Variants in PDE4D observed in about 807,000 individuals in gnomAD.
The protein encoded by PDE4D is phosphodiesterase 4D, also known as 3',5'-cyclic-AMP phosphodiesterase 4D.
Under a neutral mutation model 87.4 loss-of-function variants are expected in PDE4D, and 24 were observed. The observed-to-expected ratio is 0.27, with a 90% CI of 0.20 to 0.39. The LOEUF is 0.39. PDE4D is among the 10% of genes least tolerant of loss of function. The pLI, the probability that PDE4D is intolerant of heterozygous loss-of-function variation, is 1.00. For synonymous variants in PDE4D, 384 were observed against 383.2 expected (o/e 1.00, Z -0.02); for missense variants, 714 against 1,041.0 (o/e 0.69, Z 4.32).
At chr5:59,622,940 C>G (rs994312228) in intron 1 of PDE4D, among the ~76,000 whole-genome samples, 2 of 152,134 alleles carry the variant, frequency 1.3e-5, no homozygotes, top group Non-Finnish European at 2.9e-5. Context: ...TCGTTGTGAT[C>G]ACCACCCAGT....
rs368214145 is a variant in PDE4D, at chr5:58,974,684, C to T, written c.2410G>A (p.Asp804Asn). 4 of 1,575,668 alleles carry T rather than the reference C, an allele frequency of 2.5e-6. No individual in the cohort carries two copies. In the African/African-American group the frequency reaches 5.5e-5, roughly 22 times the overall value. Residue 804 changes from aspartate to asparagine, a missense_variant, in exon 15 of 15, where the codon GAT (aspartate) becomes AAT (asparagine). Transcript: ENST00000340635. Reference protein sequence around the residue: ...ESQPEACVIDDRSPDT With the variant: ...ESQPEACVIDNRSPDT ...CACTGTTACGTGTCAGGAGAACGAT[C>T]ATCTATGACACAGGCTTCAGGCTGG... is the stretch of plus-strand genomic sequence containing the variant.
At chr5:59,292,997 T>C (rs965187593) in intron 1 of PDE4D, among the ~76,000 whole-genome samples, 2 of 152,188 alleles carry the variant, frequency 1.3e-5, no homozygotes, top group African/African-American at 4.8e-5. Context: ...CATTTATTGT[T>C]ACAAGGGTTT....
intron 11 of PDE4D, among the ~76,000 whole-genome samples, chr5:58,986,948 T>G (rs1257323696): frequency 9.8e-6 from 1 of 101,694 alleles, no homozygotes; most frequent in Non-Finnish European, 2.1e-5. Flanking sequence ...TTTGAATGTT[T>G]GGTGTTTAAG....
chr5:59,753,077 C>CA (rs762032267), intron 1 of PDE4D, among the ~76,000 whole-genome samples: 16 of 152,264 alleles, frequency 1.1e-4, no homozygotes, highest in Non-Finnish European at 1.9e-4. Flanking sequence ...ATAGGGTCCG[C>CA]AAAGCCTAAA....
intron 2 of PDE4D, among the ~76,000 whole-genome samples, chr5:60,074,373 C>A (rs957912876): frequency 1.3e-5 from 2 of 152,034 alleles, no homozygotes; most frequent in African/African-American, 4.8e-5. Flanking sequence ...AATTTTATTG[C>A]ACTGTGGTTC....
intron 1 of PDE4D, among the ~76,000 whole-genome samples, chr5:59,240,779 AACAC>A (rs747637745): frequency 3.7e-4 from 29 of 78,122 alleles, no homozygotes; most frequent in African/African-American, 1.2e-3. Context: ...AAAATTCACA[AACAC>A]ACACACACAC....
intron 1 of PDE4D, among the ~76,000 whole-genome samples, chr5:60,337,250 T>G (rs1410515481): frequency 6.7e-6 from 1 of 149,894 alleles, no homozygotes; most frequent in Non-Finnish European, 1.5e-5. Context: ...GGAGAATCAC[T>G]TGAACCCGGG....
At chr5:59,615,513 A>T (rs1829552197) in intron 1 of PDE4D, among the ~76,000 whole-genome samples, 1 of 152,200 alleles carries the variant, frequency 6.6e-6, no homozygotes, top group Non-Finnish European at 1.5e-5. Context: ...TAAAGAGTCA[A>T]ATATGTTTTG....
At chr5:59,390,625 T>C (rs1366725196) in intron 1 of PDE4D, among the ~76,000 whole-genome samples, 1 of 152,152 alleles carries the variant, frequency 6.6e-6, no homozygotes, top group Non-Finnish European at 1.5e-5. Flanking sequence ...ATGATTGTTA[T>C]AGACATGTAA....
intron 2 of PDE4D, among the ~76,000 whole-genome samples, chr5:60,104,791 C>G (rs1397793408): frequency 1.3e-5 from 2 of 152,202 alleles, no homozygotes; most frequent in East Asian, 3.8e-4. Flanking sequence ...AACAGACCTG[C>G]AGCTGAGGGT....
At chr5:59,816,436 A>G (rs1202009893) in intron 1 of PDE4D, among the ~76,000 whole-genome samples, 1 of 152,038 alleles carries the variant, frequency 6.6e-6, no homozygotes, top group Non-Finnish European at 1.5e-5. Flanking sequence ...TGCTCTTGGG[A>G]AAAAAAATGA....
intron 1 of PDE4D, among the ~76,000 whole-genome samples, chr5:59,575,522 G>A (rs1312496938): frequency 1.3e-5 from 2 of 152,172 alleles, no homozygotes; most frequent in Middle Eastern, 3.4e-3. Flanking sequence ...CACCCAGTTC[G>A]GCAGGATGGT....
intron 1 of PDE4D, among the ~76,000 whole-genome samples, chr5:60,484,465 AT>A (rs1045594268): frequency 1.3e-5 from 2 of 152,206 alleles, no homozygotes; most frequent in Non-Finnish European, 2.9e-5. Flanking sequence ...CATTTTAAAA[AT>A]TGAAAATTTG....
At chr5:59,973,602 A>G (rs1761009320) in intron 3 of PDE4D, among the ~76,000 whole-genome samples, 3 of 152,172 alleles carry the variant, frequency 2.0e-5, no homozygotes, top group African/African-American at 7.2e-5. Context: ...AACAGAACAT[A>G]CCAGAATTTA....
At chr5:60,519,915 AAG>A (rs1561329685) in intron 1 of PDE4D, among the ~76,000 whole-genome samples, 1 of 152,348 alleles carries the variant, frequency 6.6e-6, no homozygotes, top group East Asian at 1.9e-4. Context: ...CTGCCAGTGA[AAG>A]AGTGAAATAC....
Position 59,509,921 on chromosome 5 carries a change from A to G in PDE4D, c.456-293953T>C, listed in dbSNP as rs185669773. On this transcript the variant is annotated intron_variant, in intron 1 of 14. Transcript: ENST00000340635. Reference sequence around the variant, plus strand: ...TATAAATTATATAAACTTATATATAATTATACTTTTGAATATAATTATATT... The same window carrying G: ...TATAAATTATATAAACTTATATATAGTTATACTTTTGAATATAATTATATT... Among the ~76,000 whole-genome samples the G allele has an allele frequency of 3.5e-3, 513 of 147,420 alleles. 1 individual carries two copies. The highest frequency in any genetic ancestry group is 0.012 in the African/African-American group (492 of 40,904).
chr5:59,939,862 G>T (rs895028012), intron 3 of PDE4D, among the ~76,000 whole-genome samples: 1 of 151,896 alleles, frequency 6.6e-6, no homozygotes, highest in Admixed American at 6.6e-5. Context: ...GTAGAAAGAG[G>T]GTATCATCAC....
At chr5:59,524,281 T>C (rs1235208949) in intron 1 of PDE4D, among the ~76,000 whole-genome samples, 1 of 152,228 alleles carries the variant, frequency 6.6e-6, no homozygotes, top group East Asian at 1.9e-4. Context: ...ACTTGTTGAA[T>C]GGCTTTGACC....
intron 1 of PDE4D, among the ~76,000 whole-genome samples, chr5:59,647,461 T>TG (rs1742660872): frequency 1.5e-5 from 1 of 66,678 alleles, no homozygotes; most frequent in South Asian, 1.1e-3. Context: ...TTTTCAAAGT[T>TG]TTTTTTTTTT....
Sources: allele counts gnomAD v4.1 joint callset (sites outside exome capture counted in the v4.1 genomes callset), GRCh38; gene constraint gnomAD v4.1.1; transcripts MANE v1.5; gene names NCBI Gene and HGNC (gene_info 2026-07-23, HGNC 2026-07-21).